Variants in DAB1 observed in about 807,000 individuals in gnomAD.
DAB1 encodes disabled homolog 1.
DAB1 carries 15 observed loss-of-function variants against 64.6 expected under a neutral mutation model. That is an observed-to-expected ratio of 0.23 (90% CI 0.16 to 0.36). The LOEUF is 0.36. Among genes scored for constraint, DAB1 ranks in the 10% least tolerant of loss-of-function variants. The probability of loss-of-function intolerance (pLI) is 1.00; values close to 1 mark genes in which losing one functional copy is unlikely to be tolerated. For missense variants in DAB1, 596 were observed against 706.7 expected, an observed-to-expected ratio of 0.84 and a Z score of 1.78; for synonymous variants, 235 against 251.9, an observed-to-expected ratio of 0.93 and a Z score of 0.64.
intron 4 of DAB1, among the ~76,000 whole-genome samples, chr1:58,246,526 T>G (rs762652624): frequency 2.0e-5 from 3 of 152,226 alleles, no homozygotes; most frequent in Non-Finnish European, 2.9e-5. Flanking sequence ...TGCAAAGGTA[T>G]GAAAAGCATA....
At chr1:57,681,609 G>T (rs981951234) in intron 6 of DAB1, among the ~76,000 whole-genome samples, 1 of 151,952 alleles carries the variant, frequency 6.6e-6, no homozygotes, top group Non-Finnish European at 1.5e-5. Flanking sequence ...TACCCATTTG[G>T]TACTACATAT....
At chr1:58,048,966 C>A in intron 5 of DAB1, 1 of 837,882 alleles carries the variant, frequency 1.2e-6, no homozygotes, top group Non-Finnish European at 2.0e-6. Flanking sequence ...TTAAAACCAC[C>A]AACAAATACC....
chr1:57,641,385 T>TTTG (rs1646127422), intron 7 of DAB1, among the ~76,000 whole-genome samples: 1 of 138,530 alleles, frequency 7.2e-6, no homozygotes, highest in African/African-American at 2.7e-5. Flanking sequence ...GTTGGTTTTT[T>TTTG]TTTTTTTTTT....
intron 4 of DAB1, among the ~76,000 whole-genome samples, chr1:58,273,657 T>G (rs1421122680): frequency 2.5e-5 from 1 of 40,110 alleles, no homozygotes; most frequent in African/African-American, 8.2e-5. Context: ...CAATCAGACG[T>G]AGATTTGGTC....
chr1:58,340,384 G>A (rs947059211), intron 4 of DAB1, among the ~76,000 whole-genome samples: 4 of 152,132 alleles, frequency 2.6e-5, no homozygotes, highest in Non-Finnish European at 5.9e-5. Flanking sequence ...AAACAAAGAA[G>A]CCTTCAACTG....
At chr1:58,424,537 C>T (rs904585056) in intron 3 of DAB1, among the ~76,000 whole-genome samples, 7 of 152,210 alleles carry the variant, frequency 4.6e-5, no homozygotes, top group Admixed American at 3.3e-4. Flanking sequence ...GGTCCAAACA[C>T]ACTCCTTACC....
chr1:57,744,589 G>T (rs1054085087), intron 6 of DAB1, among the ~76,000 whole-genome samples: 3 of 152,164 alleles, frequency 2.0e-5, no homozygotes, highest in Non-Finnish European at 4.4e-5. Context: ...AGTCACCGAG[G>T]AAGTGGAAAG....
intron 4 of DAB1, among the ~76,000 whole-genome samples, chr1:57,127,739 G>A (rs1026477621): frequency 6.6e-6 from 1 of 152,174 alleles, no homozygotes; most frequent in African/African-American, 2.4e-5. Flanking sequence ...TCTGTAAAAT[G>A]GGGACAATAA....
chr1:58,238,505 C>T (rs960131505), intron 4 of DAB1, among the ~76,000 whole-genome samples: 5 of 152,050 alleles, frequency 3.3e-5, no homozygotes, highest in Non-Finnish European at 7.4e-5. Flanking sequence ...AGAAAGAATA[C>T]TACAAAGGAA....
At chr1:57,007,799 T>C (rs1048478542) in intron 14 of DAB1, among the ~76,000 whole-genome samples, 44 of 152,214 alleles carry the variant, frequency 2.9e-4, no homozygotes, top group African/African-American at 1.0e-3. Flanking sequence ...AATAAAGCCA[T>C]GGACATAACT....
intron 3 of DAB1, among the ~76,000 whole-genome samples, chr1:58,441,946 G>C (rs998725610): frequency 1.9e-4 from 29 of 152,240 alleles, no homozygotes; most frequent in East Asian, 5.8e-4. Flanking sequence ...AGACCGAGGG[G>C]GCGAGGGAGA....
intron 5 of DAB1, among the ~76,000 whole-genome samples, chr1:58,064,853 G>A (rs1648751369): frequency 6.6e-6 from 1 of 152,056 alleles, no homozygotes; most frequent in Non-Finnish European, 1.5e-5. Context: ...TCTCCGAGTA[G>A]CAGGGACTAC....
chr1:58,010,222 T>C (rs1646647779), intron 5 of DAB1, among the ~76,000 whole-genome samples: 1 of 152,162 alleles, frequency 6.6e-6, no homozygotes, highest in African/African-American at 2.4e-5. Flanking sequence ...ATACGATTAT[T>C]CCCACCTTAG....
chr1:57,444,107 C>T (rs1305709829), intron 7 of DAB1, among the ~76,000 whole-genome samples: 7 of 152,102 alleles, frequency 4.6e-5, no homozygotes, highest in African/African-American at 2.4e-5. Flanking sequence ...ACCTCAAGGT[C>T]CTGGAAACAA....
At chr1:58,030,191 A>G (rs1384524686) in intron 5 of DAB1, among the ~76,000 whole-genome samples, 3 of 152,190 alleles carry the variant, frequency 2.0e-5, no homozygotes, top group African/African-American at 7.2e-5. Context: ...TGGGTGACAG[A>G]GTGAGACTCC....
intron 3 of DAB1, among the ~76,000 whole-genome samples, chr1:58,389,099 T>C (rs1644456535): frequency 6.6e-6 from 1 of 152,160 alleles, no homozygotes; most frequent in Non-Finnish European, 1.5e-5. Flanking sequence ...TGAAAACACG[T>C]GCTTTCCAGT....
At chr1:57,848,637 A>T (rs1050502055) in intron 1 of DAB1, among the ~76,000 whole-genome samples, 1 of 152,142 alleles carries the variant, frequency 6.6e-6, no homozygotes, top group African/African-American at 2.4e-5. Flanking sequence ...AAGAGCAATG[A>T]CTCAAACACA....
intron 2 of DAB1, among the ~76,000 whole-genome samples, chr1:57,195,825 C>T (rs2100236762): frequency 6.6e-6 from 1 of 152,350 alleles, no homozygotes; most frequent in African/African-American, 2.4e-5. Flanking sequence ...AGCTCACCAA[C>T]TTGACAATTG....
chr1:57,703,571 C>G (rs774148652), intron 6 of DAB1, among the ~76,000 whole-genome samples: 1 of 152,116 alleles, frequency 6.6e-6, no homozygotes, highest in Non-Finnish European at 1.5e-5. Flanking sequence ...AAAAGGAACA[C>G]TTATACACTG....
Sources: allele counts gnomAD v4.1 joint callset (sites outside exome capture counted in the v4.1 genomes callset), GRCh38; gene constraint gnomAD v4.1.1; transcripts MANE v1.5; gene names NCBI Gene and HGNC (gene_info 2026-07-23, HGNC 2026-07-21).